APOBEC1: variants seen among roughly 807,000 people sequenced by gnomAD.
APOBEC1 encodes the protein apolipoprotein B mRNA editing enzyme catalytic subunit 1.
A neutral mutation model predicts 26.3 loss-of-function variants in APOBEC1; 22 were observed. That is an observed-to-expected ratio of 0.84 (90% CI 0.60 to 1.19). APOBEC1 has a LOEUF of 1.19. Ranked by LOEUF, APOBEC1 falls within the 50% of genes most tolerant of loss-of-function variation. APOBEC1 has a pLI of 0.00. For missense variants in APOBEC1, 253 were observed against 289.0 expected, an observed-to-expected ratio of 0.88 and a Z score of 0.90; for synonymous variants, 77 against 95.3, an observed-to-expected ratio of 0.81 and a Z score of 1.12.
chr12:7,649,785 G>A, intron 4 of APOBEC1, 89 bp from the exon 5 acceptor site: 1 of 1,077,302 alleles, frequency 9.3e-7, no homozygotes, highest in Non-Finnish European at 1.3e-6. Context: ...ATGTCAGTTG[G>A]AAGACGATTT....
intron 1 of APOBEC1, 51 bp downstream of exon 1, chr12:7,665,806 C>CACACACACACACACACACAA: frequency 8.2e-7 from 1 of 1,224,990 alleles, no homozygotes; most frequent in Non-Finnish European, 1.2e-6. Context: ...CACACACACA[C>CACACACACACACACACACAA]CATTCTTGCA....
chr12:7,658,682 A>T (rs1156460571), intron 1 of APOBEC1, among the ~76,000 whole-genome samples: 1 of 152,164 alleles, frequency 6.6e-6, no homozygotes, highest in African/African-American at 2.4e-5. Flanking sequence ...ATTGATTGAA[A>T]ATTTAGGCCA....
At chr12:7,669,269 T>C (rs1236038507), upstream of APOBEC1, among the ~76,000 whole-genome samples, 2 of 152,072 alleles carry the variant, frequency 1.3e-5, no homozygotes, top group Non-Finnish European at 2.9e-5. Flanking sequence ...TTCACCATGT[T>C]GGCCAGGCTG....
intron 2 of APOBEC1, among the ~76,000 whole-genome samples, chr12:7,653,120 C>T (rs1296028171): frequency 6.6e-6 from 1 of 151,722 alleles, no homozygotes; most frequent in Non-Finnish European, 1.5e-5. Flanking sequence ...TTAGTAGAGA[C>T]GGGGTTTCAC....
At chr12:7,665,650 G>T (rs1863881728) in intron 1 of APOBEC1, among the ~76,000 whole-genome samples, 1 of 151,808 alleles carries the variant, frequency 6.6e-6, no homozygotes, top group African/African-American at 2.4e-5. Flanking sequence ...AAGTCACTTG[G>T]AGATGTAAAT....
At chr12:7,661,131 G>A (rs1197001609) in intron 1 of APOBEC1, among the ~76,000 whole-genome samples, 3 of 150,962 alleles carry the variant, frequency 2.0e-5, no homozygotes, top group Non-Finnish European at 4.4e-5. Flanking sequence ...GCGTGAACCC[G>A]GGAGGCGGAG....
chr12:7,664,309 C>T (rs907147758), intron 1 of APOBEC1, among the ~76,000 whole-genome samples: 1 of 152,318 alleles, frequency 6.6e-6, no homozygotes, highest in South Asian at 2.1e-4. Context: ...CAAAACCCAT[C>T]ACATGTCAAG....
intron 1 of APOBEC1, among the ~76,000 whole-genome samples, chr12:7,658,890 T>G (rs1592060478): frequency 6.7e-6 from 1 of 148,580 alleles, no homozygotes. Context: ...GAGGCAGAGG[T>G]TGCGGTGAGC....
rs149497570 is a variant in APOBEC1 at position 7,665,839 on chromosome 12, C to T, written c.16+18G>A. 39 of 1,608,476 alleles carry T rather than the reference C, an allele frequency of 2.4e-5. No homozygotes were observed. In the Middle Eastern group the frequency reaches 6.6e-4, roughly 27 times the overall value. On this transcript the variant is annotated intron_variant, in intron 1 of 4. Transcript: ENST00000229304. ...GCATTGTTCAAGAATACTTGCCAAG[C>T]CCCCGGATCCATTTTACCTTTCTCA...
intron 2 of APOBEC1, among the ~76,000 whole-genome samples, chr12:7,653,569 C>T (rs1242722663): frequency 6.7e-6 from 1 of 150,176 alleles, no homozygotes. Flanking sequence ...TCAAGCTACT[C>T]TCCTGCCTCA....
chr12:7,667,977 T>C (rs1356902354), upstream of APOBEC1, among the ~76,000 whole-genome samples: 1 of 150,878 alleles, frequency 6.6e-6, no homozygotes, highest in Non-Finnish European at 1.5e-5. Flanking sequence ...TCCTGATCCC[T>C]GGAATCTGTT....
At chr12:7,654,760 T>G (rs1863690518) in intron 1 of APOBEC1, 128 bp from the exon 2 acceptor site, 1 of 907,648 alleles carries the variant, frequency 1.1e-6, no homozygotes. Flanking sequence ...CTCTCATGGA[T>G]TAATTGTATT....
At chr12:7,654,166 C>T (rs763846203) in intron 2 of APOBEC1, among the ~76,000 whole-genome samples, 1 of 150,772 alleles carries the variant, frequency 6.6e-6, no homozygotes, top group Non-Finnish European at 1.5e-5. Flanking sequence ...TAAAAGCATG[C>T]GATTTAAAAA....
chr12:7,661,350 C>T (rs1454956106), intron 1 of APOBEC1, among the ~76,000 whole-genome samples: 3 of 151,812 alleles, frequency 2.0e-5, no homozygotes, highest in Non-Finnish European at 4.4e-5. Context: ...CAAGCCCAAA[C>T]CTCAGCATCA....
In APOBEC1 at chr12:7,650,853, T is replaced by C. The variant is rs111512456; in HGVS notation, c.561+170A>G. 2.3e-3 allele frequency among the ~76,000 whole-genome samples: 358 copies of C among 152,342 alleles called. 3 individuals carry two copies. The highest frequency in any genetic ancestry group is 8.0e-3 in the African/African-American group (333 of 41,576). On this transcript the variant is annotated intron_variant, in intron 4 of 4. Transcript: ENST00000229304. ...TCCTGCGTAGCTGGGACTACAAGTG[T>C]GCACCACCATACCTGGCTCTGAGAT...
At chr12:7,654,668 C>CAAAT in intron 1 of APOBEC1, 36 bp from the exon 2 acceptor site, 1 of 1,605,782 alleles carries the variant, frequency 6.2e-7, no homozygotes, top group Middle Eastern at 1.7e-4. Flanking sequence ...AAACAACACT[C>CAAAT]AAATATCAAA....
intron 1 of APOBEC1, among the ~76,000 whole-genome samples, chr12:7,665,446 C>T (rs1225085050): frequency 2.0e-5 from 3 of 151,870 alleles, no homozygotes; most frequent in African/African-American, 4.8e-5. Context: ...TACAGGCATG[C>T]GCCACCATGC....
At position 7,665,850 on chromosome 12, in the gene APOBEC1, A is replaced by G. The variant is rs1722967809; in HGVS notation, c.16+7T>C. ...GAATACTTGCCAAGCCCCCGGATCC[A>G]TTTTACCTTTCTCAGAAGTCATGGT... On this transcript the variant is annotated splice_region_variant and intron_variant, in intron 1 of 4. Coordinates refer to ENST00000229304, the MANE Select transcript of APOBEC1 (RefSeq NM_001644.5). 6.2e-7 allele frequency: 1 copy of G among 1,610,326 alleles called. No homozygotes were observed. Among genetic ancestry groups the G allele is most frequent in the Non-Finnish European group, 8.5e-7 (1 of 1,178,980 alleles).
At position 7,649,607 on chromosome 12, in the gene APOBEC1, C is replaced by T. The variant is rs749540186; in HGVS notation, c.651G>A (p.Thr217=). 5 of 1,614,068 alleles carry T rather than the reference C, an allele frequency of 3.1e-6. No homozygotes were observed. Among genetic ancestry groups the T allele is most frequent in the African/African-American group, 1.3e-5 (1 of 75,010 alleles). The change falls in exon 5 of 5, where the codon ACG becomes ACA. Residue 217 remains threonine, a synonymous_variant. Coordinates refer to ENST00000229304, the MANE Select transcript of APOBEC1 (RefSeq NM_001644.5). The part of the protein sequence containing the change: ...RLHLQNCHYQ[T]IPPHILLATG... The stretch of plus-strand genomic sequence containing the variant: ...TAGCTAAAAGGATGTGTGGCGGAAT[C>T]GTTTGGTAATGGCAGTTTTGAAGAT...
Sources: gnomAD v4.1 joint callset for allele counts (sites outside exome capture counted in the v4.1 genomes callset) on GRCh38, gnomAD v4.1.1 for gene constraint, MANE v1.5 for transcripts, NCBI Gene and HGNC (gene_info 2026-07-23, HGNC 2026-07-21) for gene names.